Variants in MTUS2 observed in about 807,000 individuals in gnomAD.
MTUS2 encodes microtubule-associated tumor suppressor candidate 2.
In MTUS2, 40 loss-of-function variants were observed where a neutral mutation model predicts 114.1. The ratio of observed to expected loss-of-function variants is 0.35; its 90% CI spans 0.27 to 0.46. MTUS2 has a LOEUF of 0.46. MTUS2 is among the 20% of genes least tolerant of loss of function. The pLI, the probability that MTUS2 is intolerant of heterozygous loss-of-function variation, is 1.00. For missense variants in MTUS2, 1,679 were observed against 1,705.4 expected (o/e 0.98, Z 0.27); for synonymous variants, 688 against 672.0 (o/e 1.02, Z -0.37).
intron 7 of MTUS2, among the ~76,000 whole-genome samples, chr13:29,333,268 G>T (rs1189002210): frequency 6.6e-6 from 1 of 152,074 alleles, no homozygotes; most frequent in Non-Finnish European, 1.5e-5. Flanking sequence ...TGTGATCTCA[G>T]CTGACTGTAA....
chr13:28,918,580 G>T (rs535672526), intron 2 of MTUS2, among the ~76,000 whole-genome samples: 11 of 151,656 alleles, frequency 7.3e-5, no homozygotes, highest in Admixed American at 2.6e-4. Context: ...TGGTTTTTTT[G>T]TGTGTGTGGG....
chr13:28,847,811 TC>T (rs1875988012), intron 2 of MTUS2, among the ~76,000 whole-genome samples: 1 of 152,154 alleles, frequency 6.6e-6, no homozygotes, highest in Non-Finnish European at 1.5e-5. Flanking sequence ...GAGTTATACT[TC>T]CTGATGCTGG....
intron 9 of MTUS2, among the ~76,000 whole-genome samples, chr13:29,449,231 G>A (rs1878510650): frequency 6.6e-6 from 1 of 152,102 alleles, no homozygotes; most frequent in Non-Finnish European, 1.5e-5. Flanking sequence ...ACGTATGGTA[G>A]GAATATAAGT....
intron 2 of MTUS2, among the ~76,000 whole-genome samples, chr13:28,908,302 C>G (rs1880180348): frequency 6.6e-6 from 1 of 151,468 alleles, no homozygotes; most frequent in Non-Finnish European, 1.5e-5. Context: ...TCCCCCAACC[C>G]CACAACAGGC....
chr13:29,442,941 T>A lies in MTUS2; in HGVS notation c.3184+2892T>A, dbSNP rs78651706. Among the ~76,000 whole-genome samples, 957 of 152,286 alleles carry A rather than the reference T, an allele frequency of 6.3e-3. 13 individuals carry two copies. The highest frequency in any genetic ancestry group is 0.022 in the African/African-American group (914 of 41,554). On this transcript the variant is annotated intron_variant, in intron 9 of 15. Coordinates refer to ENST00000612955, the MANE Select transcript of MTUS2 (RefSeq NM_001033602.4). ...TTTTAGCAAGATATGTTGGTCTTAG[T>A]TAAGATAGAAAAGCATTGAATTATA...
At chr13:29,212,116 C>T (rs1043591630) in intron 5 of MTUS2, among the ~76,000 whole-genome samples, 1 of 152,026 alleles carries the variant, frequency 6.6e-6, no homozygotes, top group African/African-American at 2.4e-5. Flanking sequence ...TAGTTACAGT[C>T]CACAAATTTT....
In MTUS2 at chr13:29,212,123, T is replaced by G. The variant is rs190627648; in HGVS notation, c.2645-69581T>G. ...ATATGTTGTAGTTACAGTCCACAAA[T>G]TTTGACACATTGGGTTTTCATCTTC... On this transcript the variant is annotated intron_variant, in intron 5 of 15. Coordinates refer to ENST00000612955, the MANE Select transcript of MTUS2 (RefSeq NM_001033602.4). Among the ~76,000 whole-genome samples the G allele has an allele frequency of 1.3e-4, 20 of 152,310 alleles. No homozygotes were observed. The East Asian group carries it at 3.7e-3, about 28-fold the overall frequency.
At chr13:29,127,285 A>T (rs761951415) in intron 5 of MTUS2, among the ~76,000 whole-genome samples, 3 of 152,086 alleles carry the variant, frequency 2.0e-5, no homozygotes, top group Non-Finnish European at 4.4e-5. Flanking sequence ...TTCTGTGTCA[A>T]CATGGCTAGG....
chr13:29,062,352 C>T (rs569008745), intron 4 of MTUS2, among the ~76,000 whole-genome samples: 11 of 152,180 alleles, frequency 7.2e-5, no homozygotes, highest in Non-Finnish European at 1.5e-4. Flanking sequence ...GTCACATACT[C>T]ACCAGGTTAG....
intron 4 of MTUS2, among the ~76,000 whole-genome samples, chr13:29,053,136 A>G (rs928765511): frequency 6.6e-6 from 1 of 152,198 alleles, no homozygotes; most frequent in Non-Finnish European, 1.5e-5. Context: ...TACAATGATA[A>G]TGATACTAAT....
chr13:29,152,185 C>G (rs1485815780), intron 5 of MTUS2, among the ~76,000 whole-genome samples: 2 of 152,006 alleles, frequency 1.3e-5, no homozygotes, highest in Non-Finnish European at 2.9e-5. Context: ...TGTTTCCAAT[C>G]AATTTTCCTT....
intron 5 of MTUS2, among the ~76,000 whole-genome samples, chr13:29,179,650 C>A (rs1893917639): frequency 6.6e-6 from 1 of 152,176 alleles, no homozygotes; most frequent in African/African-American, 2.4e-5. Context: ...AAATTAAAAA[C>A]AAACTTTGAA....
At chr13:29,170,037 G>A (rs1893486653) in intron 5 of MTUS2, among the ~76,000 whole-genome samples, 1 of 152,238 alleles carries the variant, frequency 6.6e-6, no homozygotes, top group Admixed American at 6.5e-5. Context: ...AATCACAGTA[G>A]TGGTTGATGA....
intron 1 of MTUS2, among the ~76,000 whole-genome samples, chr13:28,823,116 G>A (rs1046658882): frequency 2.0e-5 from 3 of 152,240 alleles, no homozygotes; most frequent in Non-Finnish European, 4.4e-5. Flanking sequence ...GGAAAGGAAG[G>A]AAAACTATTG....
At chr13:29,296,293 GC>G (rs1898940922) in intron 6 of MTUS2, among the ~76,000 whole-genome samples, 1 of 152,032 alleles carries the variant, frequency 6.6e-6, no homozygotes, top group South Asian at 2.1e-4. Context: ...GCTCACTGCA[GC>G]CTGGACCTCC....
At chr13:29,265,485 A>G (rs1049080037) in intron 5 of MTUS2, among the ~76,000 whole-genome samples, 1 of 152,224 alleles carries the variant, frequency 6.6e-6, no homozygotes, top group Non-Finnish European at 1.5e-5. Flanking sequence ...CTGTATAGCA[A>G]TGCCCCACTC....
intron 4 of MTUS2, among the ~76,000 whole-genome samples, chr13:29,051,301 G>A (rs1475965866): frequency 6.6e-6 from 1 of 152,166 alleles, no homozygotes; most frequent in Non-Finnish European, 1.5e-5. Context: ...ATTTTGGCTT[G>A]AGCTACCGGA....
At chr13:29,161,134 T>C (rs1048620655) in intron 5 of MTUS2, among the ~76,000 whole-genome samples, 1 of 152,166 alleles carries the variant, frequency 6.6e-6, no homozygotes, top group Non-Finnish European at 1.5e-5. Flanking sequence ...TGTAGTAAAA[T>C]TGCATAGAAC....
At chr13:29,154,610 G>A (rs913361512) in intron 5 of MTUS2, among the ~76,000 whole-genome samples, 4 of 152,300 alleles carry the variant, frequency 2.6e-5, no homozygotes, top group Admixed American at 6.5e-5. Context: ...AAAGTGTTGG[G>A]ACATTACTTG....
Sources: gnomAD v4.1 joint callset for allele counts (sites outside exome capture counted in the v4.1 genomes callset) on GRCh38, gnomAD v4.1.1 for gene constraint, MANE v1.5 for transcripts, NCBI Gene and HGNC (gene_info 2026-07-23, HGNC 2026-07-21) for gene names.